BRINP3: variants seen among roughly 807,000 people sequenced by gnomAD.
The protein encoded by BRINP3 is BMP/retinoic acid-inducible neural-specific protein 3.
Under a neutral mutation model 71.0 loss-of-function variants are expected in BRINP3, and 19 were observed. The observed-to-expected ratio is 0.27, with a 90% CI of 0.19 to 0.39. BRINP3 has a LOEUF of 0.39. Ranked by LOEUF, BRINP3 falls within the 10% of genes least tolerant of loss-of-function variation. The probability of loss-of-function intolerance (pLI) is 1.00; values close to 1 mark genes in which losing one functional copy is unlikely to be tolerated. For synonymous variants in BRINP3, 380 were observed against 337.7 expected, an observed-to-expected ratio of 1.13 and a Z score of -1.37; for missense variants, 959 against 940.8, an observed-to-expected ratio of 1.02 and a Z score of -0.25.
intron 4 of BRINP3, among the ~76,000 whole-genome samples, chr1:190,244,105 C>T (rs898820940): frequency 6.6e-6 from 1 of 151,942 alleles, no homozygotes; most frequent in South Asian, 2.1e-4. Flanking sequence ...ATAAAGTGCA[C>T]CTTAATGTAA....
chr1:190,263,971 C>T (rs1481969786), intron 4 of BRINP3, among the ~76,000 whole-genome samples: 3 of 152,056 alleles, frequency 2.0e-5, no homozygotes, highest in African/African-American at 4.8e-5. Flanking sequence ...TTAATCATTC[C>T]TTTTTGTATT....
chr1:190,430,934 T>A (rs1674057103), intron 2 of BRINP3, among the ~76,000 whole-genome samples: 1 of 152,156 alleles, frequency 6.6e-6, no homozygotes, highest in African/African-American at 2.4e-5. Flanking sequence ...GTTTATCCTG[T>A]TCAAATGATA....
chr1:190,112,086 C>G (rs779458259), intron 7 of BRINP3, among the ~76,000 whole-genome samples: 1 of 152,060 alleles, frequency 6.6e-6, no homozygotes, highest in Non-Finnish European at 1.5e-5. Flanking sequence ...ACCAAACGGA[C>G]AGGTGATTTT....
intron 6 of BRINP3, among the ~76,000 whole-genome samples, chr1:190,189,617 T>C (rs912613040): frequency 4.6e-5 from 7 of 152,156 alleles, no homozygotes; most frequent in Admixed American, 3.9e-4. Context: ...TGTTTTTAAT[T>C]TAAATCTATT....
At chr1:190,386,237 AG>A (rs1448426341) in intron 2 of BRINP3, among the ~76,000 whole-genome samples, 3 of 112,698 alleles carry the variant, frequency 2.7e-5, no homozygotes, top group Non-Finnish European at 6.1e-5. Flanking sequence ...TAATAATAAA[AG>A]AAAAAAAAAC....
chr1:190,440,862 A>G (rs1465284630), intron 2 of BRINP3, among the ~76,000 whole-genome samples: 5 of 152,030 alleles, frequency 3.3e-5, no homozygotes, highest in African/African-American at 4.8e-5. Context: ...CTAAGTAAAC[A>G]TTTGCAAAGT....
chr1:190,256,931 A>G (rs942515997), intron 4 of BRINP3, among the ~76,000 whole-genome samples: 1 of 151,812 alleles, frequency 6.6e-6, no homozygotes, highest in Non-Finnish European at 1.5e-5. Flanking sequence ...TTTTCCCTTC[A>G]TTTCAACCTT....
intron 2 of BRINP3, among the ~76,000 whole-genome samples, chr1:190,333,544 G>T (rs1667097891): frequency 6.6e-6 from 1 of 151,800 alleles, no homozygotes; most frequent in Non-Finnish European, 1.5e-5. Context: ...ATATATTAAT[G>T]ATCAAATTAT....
chr1:190,115,981 A>G (rs1653101452), intron 7 of BRINP3, among the ~76,000 whole-genome samples: 2 of 152,108 alleles, frequency 1.3e-5, no homozygotes, highest in Admixed American at 1.3e-4. Flanking sequence ...TATTGTGCAT[A>G]TTAACTTTGC....
chr1:190,288,517 A>C (rs1452540421), intron 2 of BRINP3, among the ~76,000 whole-genome samples: 1 of 151,980 alleles, frequency 6.6e-6, no homozygotes, highest in African/African-American at 2.4e-5. Flanking sequence ...AATTCACAAA[A>C]TGTAAAGCTT....
intron 2 of BRINP3, among the ~76,000 whole-genome samples, chr1:190,340,725 C>G (rs1198536669): frequency 2.0e-5 from 3 of 151,078 alleles, no homozygotes; most frequent in African/African-American, 7.3e-5. Flanking sequence ...AAAACAAAAT[C>G]TCATAGGCCC....
chr1:190,101,287 A>C (rs891866491), intron 7 of BRINP3, among the ~76,000 whole-genome samples: 4 of 152,198 alleles, frequency 2.6e-5, no homozygotes, highest in African/African-American at 7.2e-5. Context: ...AATAACAAAA[A>C]TGTGAGGCTA....
At chr1:190,262,898 T>A (rs1661312326) in intron 4 of BRINP3, among the ~76,000 whole-genome samples, 1 of 151,248 alleles carries the variant, frequency 6.6e-6, no homozygotes, top group Non-Finnish European at 1.5e-5. Flanking sequence ...TATATACATA[T>A]GTGTGTGTGT....
At chr1:190,346,575 G>T (rs563556356) in intron 2 of BRINP3, among the ~76,000 whole-genome samples, 1 of 151,986 alleles carries the variant, frequency 6.6e-6, no homozygotes, top group Non-Finnish European at 1.5e-5. Flanking sequence ...CTACCTAATT[G>T]TGGTTGCAAT....
intron 2 of BRINP3, among the ~76,000 whole-genome samples, chr1:190,424,698 A>G (rs548301266): frequency 6.6e-6 from 1 of 151,870 alleles, no homozygotes; most frequent in Non-Finnish European, 1.5e-5. Context: ...GTAATAACTG[A>G]GAATTTTAGC....
At chr1:190,119,454 T>C (rs1653444639) in intron 7 of BRINP3, among the ~76,000 whole-genome samples, 1 of 151,960 alleles carries the variant, frequency 6.6e-6, no homozygotes, top group East Asian at 1.9e-4. Flanking sequence ...TTTTCTATTT[T>C]TAGTAGAGAT....
In BRINP3 at chr1:190,454,593, A is replaced by G. The variant is rs1364214580; in HGVS notation, c.236+62T>C. ...CCGTCTGAAACTTTCCCTTAGAGAA[A>G]CTTATGTATACACAACCTTCAAGGA... On this transcript the variant is annotated intron_variant, in intron 2 of 7. Coordinates refer to ENST00000367462, the MANE Select transcript of BRINP3 (RefSeq NM_199051.3). The G allele has an allele frequency of 3.2e-5, 44 of 1,379,918 alleles. 1 individual carries two copies. The Middle Eastern group carries it at 1.1e-3, about 34-fold the overall frequency. The allele number at this position is 1,379,918 out of a possible 1,614,324, so 85.5% of individuals were successfully genotyped here. A position where few individuals can be genotyped will look rare whatever the true frequency, so the allele number is the denominator to read the frequency against.
chr1:190,151,667 A>C (rs1455148350), intron 7 of BRINP3, among the ~76,000 whole-genome samples: 2 of 152,186 alleles, frequency 1.3e-5, no homozygotes, highest in East Asian at 3.9e-4. Flanking sequence ...ATCAAATTAG[A>C]ATTTTACAAG....
chr1:190,131,343 G>A (rs939123926), intron 7 of BRINP3, among the ~76,000 whole-genome samples: 4 of 151,916 alleles, frequency 2.6e-5, no homozygotes, highest in Non-Finnish European at 5.9e-5. Context: ...AACCAGTAAT[G>A]TATAATTTTC....
Sources: allele counts gnomAD v4.1 joint callset (sites outside exome capture counted in the v4.1 genomes callset), GRCh38; gene constraint gnomAD v4.1.1; transcripts MANE v1.5; gene names NCBI Gene and HGNC (gene_info 2026-07-23, HGNC 2026-07-21).